The following FRMD4A variants were observed in gnomAD, a reference collection of about 807,000 sequenced individuals.
The protein encoded by FRMD4A is FERM domain containing 4A, also known as FERM domain-containing protein 4A.
In FRMD4A, 29 loss-of-function variants were observed where a neutral mutation model predicts 129.1. The observed-to-expected ratio is 0.22, with a 90% CI of 0.17 to 0.31. The LOEUF (loss-of-function observed/expected upper bound fraction) is 0.31. FRMD4A is among the 10% of genes least tolerant of loss of function. The probability of loss-of-function intolerance (pLI) is 1.00; values close to 1 mark genes in which losing one functional copy is unlikely to be tolerated. For synonymous variants in FRMD4A, 634 were observed against 571.6 expected, an observed-to-expected ratio of 1.11 and a Z score of -1.56; for missense variants, 1,272 against 1,375.8, an observed-to-expected ratio of 0.92 and a Z score of 1.19.
Position 13,694,053 on chromosome 10 carries a change from G to T in FRMD4A, c.976-14C>A. 6.6e-7 allele frequency: 1 copy of T among 1,504,096 alleles called. No individual in the cohort carries two copies. The highest frequency in any genetic ancestry group is 8.9e-7 in the Non-Finnish European group (1 of 1,128,332). The allele number at this position is 1,504,096 out of a possible 1,614,324, so 93.2% of individuals were successfully genotyped here. On this transcript the variant is annotated splice_polypyrimidine_tract_variant and intron_variant, in intron 14 of 24. Transcript: ENST00000357447. ...ATGGATTTTGGACTGGAATGGAAAG[G>T]GAAGCAGGTCAAAGAAGTGACGCTC...
intron 11 of FRMD4A, among the ~76,000 whole-genome samples, chr10:13,738,683 C>T (rs911348575): frequency 4.6e-5 from 7 of 152,116 alleles, no homozygotes; most frequent in African/African-American, 1.7e-4. Context: ...TGCATTGGCA[C>T]AATCCTGGCT....
chr10:14,053,449 C>A (rs1236408811), intron 2 of FRMD4A, among the ~76,000 whole-genome samples: 2 of 152,148 alleles, frequency 1.3e-5, no homozygotes, highest in African/African-American at 4.8e-5. Context: ...TCAGCACAGC[C>A]CAGCCCTGCT....
At chr10:13,960,176 G>T (rs568234998) in intron 2 of FRMD4A, among the ~76,000 whole-genome samples, 1 of 152,308 alleles carries the variant, frequency 6.6e-6, no homozygotes, top group Admixed American at 6.5e-5. Flanking sequence ...ACAATTGCCT[G>T]CCTGGAATCT....
intron 12 of FRMD4A, among the ~76,000 whole-genome samples, chr10:13,713,496 C>T (rs1329387573): frequency 6.6e-6 from 1 of 152,156 alleles, no homozygotes; most frequent in Non-Finnish European, 1.5e-5. Context: ...TATTTCATTT[C>T]TGCCCTTTTT....
Position 13,657,336 on chromosome 10 carries a change from G to C in FRMD4A, c.2253C>G (p.Thr751=). The change falls in exon 22 of 25, where the codon ACC becomes ACG. Residue 751 remains threonine (T), a synonymous_variant. Coordinates refer to ENST00000357447, the MANE Select transcript of FRMD4A (RefSeq NM_018027.5). ...SDPMDDCSSC[T]SHSSSEHYYP... ...AGTAGTGCTCCGAGCTCGAGTGGCT[G>C]GTGCACGACGAGCAGTCGTCCATGG... is the stretch of plus-strand genomic sequence containing the variant. 6.2e-7 allele frequency: 1 copy of C among 1,610,530 alleles called. No homozygotes were observed. The highest frequency in any genetic ancestry group is 8.5e-7 in the Non-Finnish European group (1 of 1,179,428).
chr10:13,686,104 A>G (rs932709494), intron 15 of FRMD4A, among the ~76,000 whole-genome samples: 4 of 152,144 alleles, frequency 2.6e-5, no homozygotes, highest in African/African-American at 9.6e-5. Context: ...CCCTGGCACA[A>G]TCCGACTTTG....
At chr10:14,317,960 G>A (rs1193837732) in intron 2 of FRMD4A, among the ~76,000 whole-genome samples, 2 of 151,998 alleles carry the variant, frequency 1.3e-5, no homozygotes, top group Non-Finnish European at 1.5e-5. Flanking sequence ...AAGGACCTCC[G>A]CTTCAAATTT....
At position 13,737,737 on chromosome 10, in the gene FRMD4A, T is replaced by C; in HGVS notation, c.759+107A>G. 9.3e-6 allele frequency: 6 copies of C among 644,744 alleles called. 1 individual carries two copies. The highest frequency in any genetic ancestry group is 7.6e-5 in the South Asian group (4 of 52,846). The allele number at this position is 644,744 out of a possible 1,614,324, so 39.9% of individuals were successfully genotyped here. A position where few individuals can be genotyped will look rare whatever the true frequency, so the allele number is the denominator to read the frequency against. On this transcript the variant is annotated intron_variant, in intron 12 of 24. Transcript: ENST00000357447. ...TGTATACACTAAAATTAGCAGGAGA[T>C]TGGTGAGCCTTTAGGCTGCATGGCG... is the stretch of plus-strand genomic sequence containing the variant.
In FRMD4A at chr10:14,058,345, A is replaced by G. The variant is rs117154760; in HGVS notation, c.46-199433T>C. ...GCTACATGTTTGAGATGCATATTTTACTTTCAAAATATTCATTTCTCATCC... is the reference window on the plus strand; with the variant it reads ...GCTACATGTTTGAGATGCATATTTTGCTTTCAAAATATTCATTTCTCATCC... On this transcript the variant is annotated intron_variant, in intron 2 of 24. Coordinates refer to ENST00000357447, the MANE Select transcript of FRMD4A (RefSeq NM_018027.5). Among the ~76,000 whole-genome samples the G allele has an allele frequency of 5.3e-5, 8 of 152,350 alleles. No individual in the cohort carries two copies. In the East Asian group the frequency reaches 9.6e-4, roughly 18 times the overall value.
At chr10:13,704,059 G>A (rs932908974) in intron 13 of FRMD4A, among the ~76,000 whole-genome samples, 1 of 152,168 alleles carries the variant, frequency 6.6e-6, no homozygotes, top group African/African-American at 2.4e-5. Context: ...GATACCCCAC[G>A]TACCCTGCCT....
In FRMD4A at chr10:13,684,468, G is replaced by A. The variant is rs568543517; in HGVS notation, c.1118-9424C>T. 8.8e-5 allele frequency: 87 copies of A among 985,324 alleles called. No homozygotes were observed. The South Asian group carries it at 1.8e-3, about 20-fold the overall frequency. 61.0% of individuals were successfully genotyped at this position (985,324 alleles called of 1,614,324 possible). A position where few individuals can be genotyped will look rare whatever the true frequency, so the allele number is the denominator to read the frequency against. ...AGCCGGGGAACTCCAGACTCCAGCC[G>A]GGGACAGCTGGGTGTGGAGGAGCGG... On this transcript the variant is annotated intron_variant, in intron 15 of 24. Transcript: ENST00000357447.
chr10:14,177,802 G>A (rs1023749184), intron 2 of FRMD4A, among the ~76,000 whole-genome samples: 4 of 152,190 alleles, frequency 2.6e-5, no homozygotes, highest in Admixed American at 2.6e-4. Context: ...AGGGAGGGTA[G>A]AACTTTTCTG....
chr10:13,811,889 T>G (rs1239102880), intron 3 of FRMD4A, among the ~76,000 whole-genome samples: 1 of 151,020 alleles, frequency 6.6e-6, no homozygotes, highest in Non-Finnish European at 1.5e-5. Context: ...TGTTGGTTTT[T>G]TTTTTTTTTT....
chr10:14,191,071 G>A (rs61836077), intron 2 of FRMD4A, among the ~76,000 whole-genome samples: 38,676 of 152,034 alleles, frequency 0.25, 5,124 homozygotes, highest in Admixed American at 0.31. Flanking sequence ...TTTTAGTGTC[G>A]CAGTGAGAGG....
intron 2 of FRMD4A, among the ~76,000 whole-genome samples, chr10:14,198,314 A>T (rs775653028): frequency 3.9e-5 from 6 of 152,210 alleles, no homozygotes; most frequent in African/African-American, 1.2e-4. Context: ...TCATTGGGAC[A>T]TCGGGCTGGA....
intron 2 of FRMD4A, among the ~76,000 whole-genome samples, chr10:14,324,122 C>T (rs1033978995): frequency 6.6e-6 from 1 of 151,982 alleles, no homozygotes; most frequent in Non-Finnish European, 1.5e-5. Flanking sequence ...TAGTCTCTGT[C>T]GATTAGACTA....
At chr10:14,026,119 T>A (rs138848015) in intron 2 of FRMD4A, among the ~76,000 whole-genome samples, 1 of 152,160 alleles carries the variant, frequency 6.6e-6, no homozygotes, top group African/African-American at 2.4e-5. Flanking sequence ...ACAGCCAACA[T>A]TGATGTCAAA....
intron 2 of FRMD4A, among the ~76,000 whole-genome samples, chr10:14,239,650 A>AC (rs1477300980): frequency 4.1e-5 from 6 of 145,472 alleles, no homozygotes; most frequent in South Asian, 2.1e-4. Context: ...CAAACAAACA[A>AC]ACAAAAAAAA....
At chr10:13,667,239 T>C (rs966980002) in intron 17 of FRMD4A, among the ~76,000 whole-genome samples, 1 of 152,176 alleles carries the variant, frequency 6.6e-6, no homozygotes, top group African/African-American at 2.4e-5. Flanking sequence ...AAGCTCTGGC[T>C]GTCCCTCCCC....
Sources: allele counts gnomAD v4.1 joint callset (sites outside exome capture counted in the v4.1 genomes callset), GRCh38; gene constraint gnomAD v4.1.1; transcripts MANE v1.5; gene names NCBI Gene and HGNC (gene_info 2026-07-23, HGNC 2026-07-21).